Variants in EIF4E observed in about 807,000 individuals in gnomAD.
The protein encoded by EIF4E is eIF-4F 25 kDa subunit.
For synonymous variants in EIF4E, 71 were observed against 88.5 expected (o/e 0.80, Z 1.11); for missense variants, 113 against 265.6 (o/e 0.43, Z 3.99).
At chr4:98,910,675 A>G (rs1725085263) in intron 1 of EIF4E, among the ~76,000 whole-genome samples, 1 of 152,218 alleles carries the variant, frequency 6.6e-6, no homozygotes, top group African/African-American at 2.4e-5. Context: ...AAAAAATCCC[A>G]ACAGTCTACA....
rs1420592491 is a variant in EIF4E at position 98,880,165 on chromosome 4, A to C, written c.*863T>G. ...AGCCATTTTTAACCAAAGCAAAATA[A>C]CCTAAGTAATACAAAGTGTTAAAAT... On this transcript the variant is annotated 3_prime_UTR_variant, in exon 7 of 7. Coordinates refer to ENST00000450253, the MANE Select transcript of EIF4E (RefSeq NM_001968.5). The C allele has an allele frequency of 2.0e-5, 3 of 152,158 alleles. No homozygotes were observed. The highest frequency in any genetic ancestry group is 4.4e-5 in the Non-Finnish European group (3 of 67,896). 9.4% of individuals were successfully genotyped at this position (152,158 alleles called of 1,614,324 possible). A position where few individuals can be genotyped will look rare whatever the true frequency, so the allele number is the denominator to read the frequency against.
intron 2 of EIF4E, among the ~76,000 whole-genome samples, chr4:98,894,267 G>C (rs1724271109): frequency 6.6e-6 from 1 of 152,350 alleles, no homozygotes; most frequent in Admixed American, 6.5e-5. Context: ...GTCATTGGCT[G>C]CAAGATCCCC....
intron 1 of EIF4E, among the ~76,000 whole-genome samples, chr4:98,923,606 C>T (rs1319686634): frequency 5.9e-5 from 9 of 152,304 alleles, no homozygotes; most frequent in Non-Finnish European, 1.2e-4. Context: ...CCACCAAGCC[C>T]AGCCCCTTTC....
rs1315718408 is a variant in EIF4E, at chr4:98,887,100, G to A, written c.378C>T (p.Leu126=). 23 of 1,613,466 alleles carry A rather than the reference G, an allele frequency of 1.4e-5. No homozygotes were observed. The highest frequency in any genetic ancestry group is 6.7e-5 in the East Asian group (3 of 44,864). The change falls in exon 5 of 7, where the codon CTC becomes CTT. Residue 126 remains leucine, a synonymous_variant. Coordinates refer to ENST00000450253, the MANE Select transcript of EIF4E (RefSeq NM_001968.5). The surrounding 1 kb of genome is among the most constrained non-coding windows in gnomAD (Gnocchi z 4.0). The part of the protein sequence containing the change: ...TLNKQQRRSD[L]DRFWLETLLC... Reference sequence around the variant, plus strand: ...TTACTGTCTCTAGCCAAAAGCGATCGAGGTCACTTCGTCTCTGCTGTTTGT... The same window carrying A: ...TTACTGTCTCTAGCCAAAAGCGATCAAGGTCACTTCGTCTCTGCTGTTTGT...
chr4:98,892,918 T>C (rs1426675600), intron 2 of EIF4E, among the ~76,000 whole-genome samples: 1 of 152,192 alleles, frequency 6.6e-6, no homozygotes, highest in Non-Finnish European at 1.5e-5. Flanking sequence ...TAAAATAGTT[T>C]TATTCCTACA....
intron 1 of EIF4E, among the ~76,000 whole-genome samples, chr4:98,919,646 C>T (rs1303322840): frequency 6.6e-6 from 1 of 151,184 alleles, no homozygotes; most frequent in Non-Finnish European, 1.5e-5. Context: ...GCAACCTCCG[C>T]CTCCCAGGTT....
At chr4:98,922,166 T>C (rs1725669819) in intron 1 of EIF4E, among the ~76,000 whole-genome samples, 2 of 152,206 alleles carry the variant, frequency 1.3e-5, no homozygotes, top group South Asian at 4.1e-4. Context: ...CACTCTGCAC[T>C]TTGGCTGCTT....
At chr4:98,909,680 G>A in intron 1 of EIF4E, 1 of 711,084 alleles carries the variant, frequency 1.4e-6, no homozygotes, top group Non-Finnish European at 2.6e-6. Flanking sequence ...CTTATCACCT[G>A]GGATTCTCGC....
At chr4:98,909,329 G>C (rs1211653243) in intron 1 of EIF4E, among the ~76,000 whole-genome samples, 1 of 152,154 alleles carries the variant, frequency 6.6e-6, no homozygotes, top group East Asian at 1.9e-4. Flanking sequence ...TATGTAAACA[G>C]ACTTCATACG....
intron 1 of EIF4E, among the ~76,000 whole-genome samples, chr4:98,928,360 C>T (rs375493785): frequency 5.9e-5 from 9 of 152,176 alleles, no homozygotes; most frequent in African/African-American, 2.2e-4. Context: ...CACCACCATC[C>T]CTCATTCTAC....
At chr4:98,901,123 C>T (rs148857070) in intron 2 of EIF4E, among the ~76,000 whole-genome samples, 32 of 152,214 alleles carry the variant, frequency 2.1e-4, no homozygotes, top group African/African-American at 7.0e-4. Context: ...CTTCATTTGA[C>T]CTTTTTAGCA....
chr4:98,916,053 T>C (rs1357449956), intron 1 of EIF4E, among the ~76,000 whole-genome samples: 1 of 151,516 alleles, frequency 6.6e-6, no homozygotes, highest in African/African-American at 2.4e-5. Flanking sequence ...TAGCTGGGCA[T>C]GGTGGTGGGC....
intron 2 of EIF4E, among the ~76,000 whole-genome samples, chr4:98,899,300 A>G (rs1724551042): frequency 6.6e-6 from 1 of 152,220 alleles, no homozygotes; most frequent in African/African-American, 2.4e-5. Context: ...CTCAGATAAA[A>G]ACCACAAATC....
At chr4:98,886,534 C>T in intron 5 of EIF4E, 1 of 425,668 alleles carries the variant, frequency 2.3e-6, no homozygotes, top group Non-Finnish European at 4.7e-6. Context: ...GGCAACATAG[C>T]AAGATCCCAT....
At chr4:98,898,544 G>A (rs1310999564) in intron 2 of EIF4E, among the ~76,000 whole-genome samples, 2 of 150,962 alleles carry the variant, frequency 1.3e-5, no homozygotes, top group African/African-American at 4.9e-5. Flanking sequence ...GGAGGTGGAG[G>A]TCCAGCCTGG....
At chr4:98,904,964 GAC>G (rs1724805886) in intron 1 of EIF4E, among the ~76,000 whole-genome samples, 1 of 151,570 alleles carries the variant, frequency 6.6e-6, no homozygotes, top group East Asian at 1.9e-4. Flanking sequence ...ATTGGGCATA[GAC>G]AGTCATCTTT....
rs1330422107 is a variant in EIF4E, at chr4:98,901,911, G to C, written c.90C>G (p.Asn30Lys). ...GGGGATGTTTAATATAGTGTTCTGGGTTAGCAACCTCCTGATTAGATTCCG... is the reference window on the plus strand; with the variant it reads ...GGGGATGTTTAATATAGTGTTCTGGCTTAGCAACCTCCTGATTAGATTCCG... ...EKTESNQEVA[N>K]PEHYIKHPLQ... is the part of the protein sequence containing the mutation. The change falls in exon 2 of 7, where the codon AAC (asparagine) becomes AAG (lysine). Residue 30 changes from asparagine (N) to lysine (K), a missense_variant. Coordinates refer to ENST00000450253, the MANE Select transcript of EIF4E (RefSeq NM_001968.5). The C allele has an allele frequency of 6.2e-7, 1 of 1,612,412 alleles. No individual in the cohort carries two copies. Among genetic ancestry groups the C allele is most frequent in the East Asian group, 2.2e-5 (1 of 44,884 alleles).
At chr4:98,908,016 AATTTT>A (rs1438323021) in intron 1 of EIF4E, among the ~76,000 whole-genome samples, 2 of 152,200 alleles carry the variant, frequency 1.3e-5, no homozygotes, top group Non-Finnish European at 2.9e-5. Flanking sequence ...ATGAGGAAAA[AATTTT>A]AAGAACAATA....
chr4:98,899,992 CT>C (rs77030786), intron 2 of EIF4E, among the ~76,000 whole-genome samples: 823 of 141,712 alleles, frequency 5.8e-3, no homozygotes, highest in Admixed American at 6.0e-3. Context: ...AAGATTTAAA[CT>C]TTTTTTTTTT....
Sources: allele counts gnomAD v4.1 joint callset (sites outside exome capture counted in the v4.1 genomes callset), GRCh38; gene constraint gnomAD v4.1.1; non-coding constraint Gnocchi (gnomAD v3.1); transcripts MANE v1.5; gene names NCBI Gene and HGNC (gene_info 2026-07-23, HGNC 2026-07-21).